IQCJ: variants seen among roughly 807,000 people sequenced by gnomAD.
IQCJ encodes the protein IQ motif containing J, also known as IQ domain-containing protein J.
IQCJ carries 9 observed loss-of-function variants against 11.0 expected under a neutral mutation model. The observed-to-expected ratio is 0.82, with a 90% CI of 0.49 to 1.43. IQCJ has a LOEUF of 1.43. Ranked by LOEUF, IQCJ falls within the 40% of genes most tolerant of loss-of-function variation. The pLI, the probability that IQCJ is intolerant of heterozygous loss-of-function variation, is 0.00. For synonymous variants in IQCJ, 55 were observed against 51.3 expected (o/e 1.07, Z -0.31); for missense variants, 146 against 133.2 (o/e 1.10, Z -0.47).
In IQCJ at chr3:159,263,100, A is replaced by G; in HGVS notation, c.*369A>G. On this transcript the variant is annotated 3_prime_UTR_variant, in exon 4 of 4. Transcript: ENST00000397832. Reference sequence around the variant, plus strand: ...AAGAATTGAAAGTGGTCACACACTCAGGGGTTGCAACTTAAATGTCTCCAG... The same window carrying G: ...AAGAATTGAAAGTGGTCACACACTCGGGGGTTGCAACTTAAATGTCTCCAG... 2 of 992,146 alleles carry G rather than the reference A, an allele frequency of 2.0e-6. No homozygotes were observed. The highest frequency in any genetic ancestry group is 9.1e-5 in the South Asian group (2 of 22,014). The allele number at this position is 992,146 out of a possible 1,614,324, so 61.5% of individuals were successfully genotyped here.
intron 1 of IQCJ, among the ~76,000 whole-genome samples, chr3:159,156,827 GC>G (rs1170152206): frequency 6.6e-6 from 1 of 152,072 alleles, no homozygotes; most frequent in Non-Finnish European, 1.5e-5. Context: ...CAATAAAAAG[GC>G]CTTAAAGATA....
At chr3:159,074,034 T>G (rs1715754821) in intron 1 of IQCJ, among the ~76,000 whole-genome samples, 1 of 152,050 alleles carries the variant, frequency 6.6e-6, no homozygotes, top group Non-Finnish European at 1.5e-5. Context: ...TCACTGAAAT[T>G]TGGAGAATAT....
chr3:159,254,164 C>G (rs916974659), intron 3 of IQCJ, among the ~76,000 whole-genome samples: 1 of 152,156 alleles, frequency 6.6e-6, no homozygotes, highest in African/African-American at 2.4e-5. Context: ...AAGATAAGGT[C>G]CTGTTAAATG....
intron 1 of IQCJ, among the ~76,000 whole-genome samples, chr3:159,177,611 G>A (rs893184165): frequency 1.3e-5 from 2 of 152,162 alleles, no homozygotes; most frequent in African/African-American, 4.8e-5. Context: ...GGGAAGCATT[G>A]ACTATGAGGA....
chr3:159,112,794 T>G (rs1336466082), intron 1 of IQCJ, among the ~76,000 whole-genome samples: 1 of 152,168 alleles, frequency 6.6e-6, no homozygotes, highest in African/African-American at 2.4e-5. Context: ...AATTTTAATG[T>G]AGCCCAGATT....
At chr3:159,094,755 GT>G (rs1410714435) in intron 1 of IQCJ, among the ~76,000 whole-genome samples, 1 of 151,756 alleles carries the variant, frequency 6.6e-6, no homozygotes, top group Admixed American at 6.6e-5. Flanking sequence ...ATGGACTTTT[GT>G]TTTGGGAAAT....
chr3:159,139,386 G>C (rs186295058), intron 1 of IQCJ, among the ~76,000 whole-genome samples: 2 of 152,184 alleles, frequency 1.3e-5, no homozygotes, highest in Non-Finnish European at 2.9e-5. Flanking sequence ...TTTGCTGTGA[G>C]ACTGTGTGAC....
intron 1 of IQCJ, among the ~76,000 whole-genome samples, chr3:159,203,346 G>A (rs1724460411): frequency 6.6e-6 from 1 of 150,966 alleles, no homozygotes; most frequent in Admixed American, 6.6e-5. Flanking sequence ...TCAGTGAGCT[G>A]AAGAGTGATA....
chr3:159,159,775 C>T (rs1407999949), intron 1 of IQCJ, among the ~76,000 whole-genome samples: 2 of 151,990 alleles, frequency 1.3e-5, no homozygotes, highest in African/African-American at 4.8e-5. Flanking sequence ...GGTGCCATCC[C>T]CTTGGTTATG....
At chr3:159,092,667 C>T (rs1489543253) in intron 1 of IQCJ, among the ~76,000 whole-genome samples, 1 of 143,504 alleles carries the variant, frequency 7.0e-6, no homozygotes, top group African/African-American at 2.7e-5. Context: ...CACTGCACTC[C>T]AGCCTGGGCG....
intron 1 of IQCJ, among the ~76,000 whole-genome samples, chr3:159,148,280 C>T (rs1223267020): frequency 1.3e-5 from 2 of 152,220 alleles, no homozygotes; most frequent in Non-Finnish European, 2.9e-5. Context: ...CTTCCAGCCT[C>T]CTTCCTATGT....
At chr3:159,218,054 A>T (rs1013655718) in intron 1 of IQCJ, among the ~76,000 whole-genome samples, 3 of 151,184 alleles carry the variant, frequency 2.0e-5, no homozygotes, top group Non-Finnish European at 4.4e-5. Flanking sequence ...TAATAATAAT[A>T]ATAGCAAACA....
At chr3:159,154,222 AT>A (rs1432131798) in intron 1 of IQCJ, among the ~76,000 whole-genome samples, 2 of 151,862 alleles carry the variant, frequency 1.3e-5, no homozygotes, top group African/African-American at 2.4e-5. Flanking sequence ...TTGCTTCATA[AT>A]TTTTTTTACA....
intron 1 of IQCJ, among the ~76,000 whole-genome samples, chr3:159,160,700 T>A (rs1239894442): frequency 8.7e-6 from 1 of 114,476 alleles, no homozygotes; most frequent in African/African-American, 3.4e-5. Flanking sequence ...ACCCCACAAC[T>A]GTCCCCAGAG....
In IQCJ at chr3:159,101,627, C is replaced by T. The variant is rs76154220; in HGVS notation, c.9+32186C>T. ...CCAACAGAGCTCTGGGTAGTGATCTCACAGGAACTGGCTTTAGCTGTTCTT... is the reference window on the plus strand; with the variant it reads ...CCAACAGAGCTCTGGGTAGTGATCTTACAGGAACTGGCTTTAGCTGTTCTT... On this transcript the variant is annotated intron_variant, in intron 1 of 3. Transcript: ENST00000397832. Among the ~76,000 whole-genome samples the T allele has an allele frequency of 5.4e-3, 820 of 152,342 alleles. 9 individuals carry two copies. The highest frequency in any genetic ancestry group is 0.019 in the African/African-American group (796 of 41,570).
chr3:159,253,659 C>T (rs879763565), intron 3 of IQCJ, among the ~76,000 whole-genome samples: 3 of 151,302 alleles, frequency 2.0e-5, no homozygotes, highest in Non-Finnish European at 4.4e-5. Flanking sequence ...TATAACACTC[C>T]GAGAAGCATG....
intron 1 of IQCJ, among the ~76,000 whole-genome samples, chr3:159,196,744 T>C (rs528291913): frequency 6.6e-6 from 1 of 152,240 alleles, no homozygotes; most frequent in South Asian, 2.1e-4. Context: ...TTAATTCCCA[T>C]GTTTCAGAGA....
At chr3:159,257,059 G>A (rs1463230049) in intron 3 of IQCJ, among the ~76,000 whole-genome samples, 3 of 152,156 alleles carry the variant, frequency 2.0e-5, no homozygotes, top group Non-Finnish European at 4.4e-5. Flanking sequence ...ATGACTCTAA[G>A]CATACTTTAT....
At chr3:159,200,048 A>ATATATATATATATATAT (rs1491387588) in intron 1 of IQCJ, among the ~76,000 whole-genome samples, 2 of 138,066 alleles carry the variant, frequency 1.4e-5, no homozygotes, top group African/African-American at 5.6e-5. Context: ...ATATATATAT[A>ATATATATATATATATAT]AATCTAAATT....
Sources: allele counts gnomAD v4.1 joint callset (sites outside exome capture counted in the v4.1 genomes callset), GRCh38; gene constraint gnomAD v4.1.1; transcripts MANE v1.5; gene names NCBI Gene and HGNC (gene_info 2026-07-23, HGNC 2026-07-21).